Variants in CDH23 observed in about 807,000 individuals in gnomAD.
CDH23 encodes the protein cadherin related 23, also known as cadherin-23.
CDH23 carries 189 observed loss-of-function variants against 317.1 expected under a neutral mutation model. The observed-to-expected ratio is 0.60, with a 90% CI of 0.53 to 0.67. CDH23 has a LOEUF of 0.67. Ranked by LOEUF, CDH23 falls within the 30% of genes least tolerant of loss-of-function variation. The pLI is 0.00. For missense variants in CDH23, 4,401 were observed against 4,592.4 expected, an observed-to-expected ratio of 0.96 and a Z score of 1.20; for synonymous variants, 1,839 against 1,876.8, an observed-to-expected ratio of 0.98 and a Z score of 0.52.
At chr10:71,763,348 G>A (rs1014548464) in intron 38 of CDH23, among the ~76,000 whole-genome samples, 2 of 152,160 alleles carry the variant, frequency 1.3e-5, no homozygotes, top group Non-Finnish European at 2.9e-5. Context: ...GGCTGTTGTG[G>A]GTCTAGCAGA....
In CDH23 at chr10:71,799,623, C is replaced by T. The variant is rs771861345; in HGVS notation, c.7356C>T (p.Pro2452=). 1.2e-6 allele frequency: 2 copies of T among 1,614,052 alleles called. No homozygotes were observed. Among genetic ancestry groups the T allele is most frequent in the Non-Finnish European group, 8.5e-7 (1 of 1,179,908 alleles). ...GDGESKFAIN[P]TTGDIYVLSS... ...GAGAGAGCAAGTTTGCCATCAACCC[C>T]ACCACGGTGAGCAGTGATGGAGGGC... is the stretch of plus-strand genomic sequence containing the variant. Residue 2452 remains proline (P), a synonymous_variant, in exon 52 of 70, where the codon CCC becomes CCT. Coordinates refer to ENST00000224721, the MANE Select transcript of CDH23 (RefSeq NM_022124.6).
chr10:71,603,156 G>C (rs1396373524), intron 9 of CDH23, among the ~76,000 whole-genome samples: 2 of 152,174 alleles, frequency 1.3e-5, no homozygotes, highest in African/African-American at 2.4e-5. Context: ...ATTGGAGCCA[G>C]AGGAGGGGGT....
chr10:71,420,470 GTGATGA>G (rs199927813), intron 1 of CDH23, among the ~76,000 whole-genome samples: 1 of 33,056 alleles, frequency 3.0e-5, no homozygotes, highest in Non-Finnish European at 4.8e-5. Context: ...AATGATGATG[GTGATGA>G]TGATGGTGAT....
At position 71,777,892 on chromosome 10, in the gene CDH23, CAG is replaced by C; in HGVS notation, c.5060_5061del (p.Arg1687ThrfsTer49). On this transcript the variant is annotated frameshift_variant, in exon 39 of 70. Transcript: ENST00000224721. LOFTEE classifies it high-confidence loss of function. ...ACATCGTCAACACCTTCCGCATCGACAGACACATGGTCAGCAGCTGATGGCAG... is the reference window on the plus strand; with the variant it reads ...ACATCGTCAACACCTTCCGCATCGACACACATGGTCAGCAGCTGATGGCAG... Reference protein sequence around the residue: ...GNIVNTFRIDRHMGVITAAKE... With the variant: ...GNIVNTFRIDXHMGVITAAKE... 6.2e-7 allele frequency: 1 copy of C among 1,613,948 alleles called. No individual in the cohort carries two copies. Among genetic ancestry groups the C allele is most frequent in the Non-Finnish European group, 8.5e-7 (1 of 1,179,892 alleles).
chr10:71,521,065 C>A (rs1564629727), intron 6 of CDH23, among the ~76,000 whole-genome samples: 1 of 152,072 alleles, frequency 6.6e-6, no homozygotes, highest in Non-Finnish European at 1.5e-5. Flanking sequence ...TTTATAATAA[C>A]CTTAAGTGGA....
At chr10:71,577,727 G>A (rs1174906771) in intron 8 of CDH23, among the ~76,000 whole-genome samples, 187 bp from the exon 9 acceptor site, 1 of 152,184 alleles carries the variant, frequency 6.6e-6, no homozygotes, top group Admixed American at 6.5e-5. Flanking sequence ...GTGGACCCTA[G>A]GGTGTTTGCC....
At chr10:71,523,765 G>A (rs1195938686) in intron 6 of CDH23, among the ~76,000 whole-genome samples, 1 of 152,128 alleles carries the variant, frequency 6.6e-6, no homozygotes, top group East Asian at 1.9e-4. Flanking sequence ...GAGTCCCTGG[G>A]ATGTGCCAGG....
chr10:71,813,390 C>A, intron 69 of CDH23, 42 bp downstream of exon 69: 2 of 1,472,164 alleles, frequency 1.4e-6, no homozygotes, highest in Middle Eastern at 1.7e-4. Context: ...TGTGCCCCAG[C>A]CTGGGGATGC....
chr10:71,815,253 C>A lies in CDH23; in HGVS notation c.10040C>A (p.Thr3347Asn). 6.3e-7 allele frequency: 1 copy of A among 1,581,280 alleles called. No individual in the cohort carries two copies. The highest frequency in any genetic ancestry group is 2.3e-5 in the East Asian group (1 of 44,398). Residue 3347 changes from threonine (T) to asparagine (N), a missense_variant, in exon 70 of 70, where the codon ACC becomes AAC. Around this residue, in one of 3 missense-constraint regions of CDH23, gnomAD observed 1,144 missense variants for 1,138.2 expected, o/e 1.01. Coordinates refer to ENST00000224721, the MANE Select transcript of CDH23 (RefSeq NM_022124.6). ...LHKLRDVIMETPLEITEL is the reference protein window; with the variant it reads ...LHKLRDVIMENPLEITEL ...AAACTTCGCGACGTGATCATGGAGA[C>A]CCCCCTGGAGATCACAGAGCTGTGA...
At chr10:71,476,708 G>A (rs745726209) in intron 3 of CDH23, among the ~76,000 whole-genome samples, 7 of 152,276 alleles carry the variant, frequency 4.6e-5, no homozygotes, top group East Asian at 1.9e-4. Context: ...CTGGATATAC[G>A]AGTTAAAGAA....
At chr10:71,690,659 G>C in intron 20 of CDH23, 75 bp downstream of exon 20, 1 of 1,010,834 alleles carries the variant, frequency 9.9e-7, no homozygotes. Context: ...CCCAGGACCA[G>C]CCTCTGGGCC....
chr10:71,785,681 G>A lies in CDH23; in HGVS notation c.5763G>A (p.Glu1921=). ...NRPLDRERIP[E]YKLTISVKDN... ...CCCTGGACCGCGAGCGGATCCCAGA[G>A]TACAAGCTGACCATTTCTGTGAAGG... Residue 1921 remains glutamate (E), a synonymous_variant, in exon 44 of 70, where the codon GAG becomes GAA. Transcript: ENST00000224721. 1 of 1,609,026 alleles carries A rather than the reference G, an allele frequency of 6.2e-7. No individual in the cohort carries two copies. Among genetic ancestry groups the A allele is most frequent in the East Asian group, 2.2e-5 (1 of 44,752 alleles).
At chr10:71,529,483 A>C (rs936832091) in intron 6 of CDH23, among the ~76,000 whole-genome samples, 2 of 152,216 alleles carry the variant, frequency 1.3e-5, no homozygotes, top group African/African-American at 4.8e-5. Context: ...AGGAAGGAGC[A>C]TGCTTTTCTC....
chr10:71,587,599 T>C (rs1859168871), intron 9 of CDH23, among the ~76,000 whole-genome samples: 1 of 152,194 alleles, frequency 6.6e-6, no homozygotes, highest in African/African-American at 2.4e-5. Flanking sequence ...GAAGGGGATT[T>C]AGGAAGGCTG....
intron 9 of CDH23, among the ~76,000 whole-genome samples, chr10:71,586,843 C>T (rs1417830947): frequency 2.0e-5 from 3 of 152,150 alleles, no homozygotes; most frequent in Non-Finnish European, 4.4e-5. Context: ...ATTTTATCCT[C>T]GATAGTATAT....
chr10:71,521,028 G>T (rs1354878126), intron 6 of CDH23, among the ~76,000 whole-genome samples: 5 of 152,072 alleles, frequency 3.3e-5, no homozygotes, highest in Non-Finnish European at 7.4e-5. Context: ...GTGTTGGCTG[G>T]AAGCTGTGAG....
chr10:71,660,203 C>A (rs1043098632), intron 14 of CDH23, among the ~76,000 whole-genome samples: 8 of 152,116 alleles, frequency 5.3e-5, no homozygotes, highest in Non-Finnish European at 1.2e-4. Flanking sequence ...TCGTGATCCA[C>A]CCCGCTCGGC....
intron 6 of CDH23, among the ~76,000 whole-genome samples, chr10:71,544,271 A>G (rs1301688522): frequency 2.6e-5 from 4 of 152,186 alleles, no homozygotes. Context: ...CAAATCAAAT[A>G]AACTCTCCTC....
intron 3 of CDH23, among the ~76,000 whole-genome samples, chr10:71,472,306 G>A (rs1300172148): frequency 6.6e-6 from 1 of 152,194 alleles, no homozygotes; most frequent in Non-Finnish European, 1.5e-5. Context: ...CTTGGCTCCT[G>A]TTAACACCAC....
Sources: allele counts gnomAD v4.1 joint callset (sites outside exome capture counted in the v4.1 genomes callset), GRCh38; gene constraint gnomAD v4.1.1; regional missense constraint gnomAD v4.1.1; transcripts MANE v1.5; gene names NCBI Gene and HGNC (gene_info 2026-07-23, HGNC 2026-07-21).